FBXO11: variants seen among roughly 807,000 people sequenced by gnomAD.
FBXO11 encodes F-box protein 11, also known as F-box only protein 11.
Under a neutral mutation model 117.0 loss-of-function variants are expected in FBXO11, and 13 were observed. The ratio of observed to expected loss-of-function variants is 0.11; its 90% CI spans 0.07 to 0.18. FBXO11 has a LOEUF of 0.18. Among genes scored for constraint, FBXO11 ranks in the 10% least tolerant of loss-of-function variants. The pLI is 1.00. For missense variants in FBXO11, 767 were observed against 1,164.4 expected (o/e 0.66, Z 4.97); for synonymous variants, 490 against 380.5 (o/e 1.29, Z -3.35).
intron 1 of FBXO11, among the ~76,000 whole-genome samples, chr2:47,859,158 C>T (rs191880833): frequency 6.6e-6 from 1 of 151,952 alleles, no homozygotes; most frequent in Non-Finnish European, 1.5e-5. Flanking sequence ...AACTAATGAG[C>T]AATACAGGTA....
intron 11 of FBXO11, among the ~76,000 whole-genome samples, 162 bp downstream of exon 11, chr2:47,832,187 G>A (rs1672245301): frequency 6.6e-6 from 1 of 152,066 alleles, no homozygotes; most frequent in Non-Finnish European, 1.5e-5. Context: ...TAAATTTACA[G>A]AATAAATATT....
intron 1 of FBXO11, among the ~76,000 whole-genome samples, chr2:47,849,204 A>G (rs1673654912): frequency 6.6e-6 from 1 of 152,240 alleles, no homozygotes; most frequent in Non-Finnish European, 1.5e-5. Flanking sequence ...ATACTTATAA[A>G]GTTACATGGT....
chr2:47,827,063 AATTC>A (rs1671809664), intron 11 of FBXO11, among the ~76,000 whole-genome samples: 1 of 152,178 alleles, frequency 6.6e-6, no homozygotes, highest in Admixed American at 6.5e-5. Flanking sequence ...TATGTCACCT[AATTC>A]CATCAAATAT....
At chr2:47,828,377 C>T (rs555419561) in intron 11 of FBXO11, among the ~76,000 whole-genome samples, 5 of 152,116 alleles carry the variant, frequency 3.3e-5, no homozygotes, top group South Asian at 2.1e-4. Context: ...GTAGGCCAGG[C>T]GCGGTGGAGC....
intron 1 of FBXO11, among the ~76,000 whole-genome samples, chr2:47,849,865 C>T (rs752068312): frequency 9.2e-5 from 14 of 152,064 alleles, no homozygotes; most frequent in Non-Finnish European, 1.8e-4. Context: ...TAGCAGAGGC[C>T]AAATTATAAA....
intron 1 of FBXO11, among the ~76,000 whole-genome samples, chr2:47,853,393 A>C (rs1441747297): frequency 6.6e-5 from 10 of 152,166 alleles, no homozygotes; most frequent in Non-Finnish European, 1.5e-5. Flanking sequence ...AATAATAATA[A>C]TACTTTTACA....
At position 47,905,538 on chromosome 2, in the gene FBXO11, TGGCGGCGGC is replaced by T. The variant is rs923188952; in HGVS notation, c.174_182del (p.Pro64_Pro66del). The T allele has an allele frequency of 5.7e-6, 7 of 1,234,926 alleles. No individual in the cohort carries two copies. Among genetic ancestry groups the T allele is most frequent in the South Asian group, 3.7e-5 (1 of 27,208 alleles). 76.5% of individuals were successfully genotyped at this position (1,234,926 alleles called of 1,614,324 possible). On this transcript the variant is annotated inframe_deletion, in exon 1 of 23. Coordinates refer to ENST00000403359, the MANE Select transcript of FBXO11 (RefSeq NM_001190274.2). ...CCTGAGGCAGCGGCGGAGGCGGCGG[TGGCGGCGGC>T]GGAGGCTGCTGCTGCTGCTGCTGCT...
chr2:47,900,700 A>G (rs1157634799), intron 1 of FBXO11, among the ~76,000 whole-genome samples: 1 of 106,034 alleles, frequency 9.4e-6, no homozygotes, highest in African/African-American at 3.4e-5. Context: ...ACGTATACAC[A>G]CACGTGTATA....
intron 1 of FBXO11, among the ~76,000 whole-genome samples, chr2:47,860,627 G>A (rs988678204): frequency 1.3e-5 from 2 of 151,034 alleles, no homozygotes; most frequent in Non-Finnish European, 3.0e-5. Context: ...GGCTGGTCTC[G>A]AACTCCTGAA....
At chr2:47,870,900 T>A (rs1187012260) in intron 1 of FBXO11, among the ~76,000 whole-genome samples, 1 of 152,164 alleles carries the variant, frequency 6.6e-6, no homozygotes, top group Non-Finnish European at 1.5e-5. Flanking sequence ...ACAAATACTC[T>A]GAGATGTCTA....
chr2:47,854,880 A>C (rs958583107), intron 1 of FBXO11, among the ~76,000 whole-genome samples: 6 of 151,176 alleles, frequency 4.0e-5, no homozygotes, highest in Middle Eastern at 3.4e-3. Context: ...TTTTTAGTGG[A>C]AAAATTTCAA....
chr2:47,831,427 G>GAAAAAAAAA (rs920107554), intron 11 of FBXO11, among the ~76,000 whole-genome samples: 5 of 65,720 alleles, frequency 7.6e-5, no homozygotes, highest in Admixed American at 4.0e-4. Context: ...GTCTCAAAAA[G>GAAAAAAAAA]AAAAAAAAAA....
intron 1 of FBXO11, among the ~76,000 whole-genome samples, chr2:47,874,157 T>C (rs1675826788): frequency 6.6e-6 from 1 of 152,166 alleles, no homozygotes; most frequent in South Asian, 2.1e-4. Flanking sequence ...GAGCTTGCTG[T>C]GAGCAGAGAT....
chr2:47,832,210 T>TA lies in FBXO11; in HGVS notation c.1398+138dup, dbSNP rs919150821. ...CAGAATAAATATTTCATATTAATTT[T>TA]AAAAAATAATGCTGAAATTGCTTTT... is the stretch of plus-strand genomic sequence containing the variant. On this transcript the variant is annotated intron_variant, in intron 11 of 22. Coordinates refer to ENST00000403359, the MANE Select transcript of FBXO11 (RefSeq NM_001190274.2). The TA allele has an allele frequency of 1.7e-5, 11 of 640,356 alleles. No individual in the cohort carries two copies. In the African/African-American group the frequency reaches 2.0e-4, roughly 12 times the overall value. The allele number at this position is 640,356 out of a possible 1,614,324, so 39.7% of individuals were successfully genotyped here. A position where few individuals can be genotyped will look rare whatever the true frequency, so the allele number is the denominator to read the frequency against.
chr2:47,883,725 C>T (rs1299226168), intron 1 of FBXO11: 4 of 258,950 alleles, frequency 1.5e-5, no homozygotes, highest in South Asian at 4.8e-5. Flanking sequence ...AGAATAAGCA[C>T]GAGAGAAAGA....
chr2:47,828,601 T>G (rs1278777806), intron 11 of FBXO11, among the ~76,000 whole-genome samples: 2 of 148,534 alleles, frequency 1.3e-5, no homozygotes, highest in East Asian at 4.0e-4. Flanking sequence ...AGAGTGAGAC[T>G]CTTGTCTCAA....
At chr2:47,839,071 T>A (rs1672818329) in intron 3 of FBXO11, 68 bp from the exon 4 acceptor site, 1 of 1,501,124 alleles carries the variant, frequency 6.7e-7, no homozygotes, top group Non-Finnish European at 9.0e-7. Flanking sequence ...AGAACACAGT[T>A]TTCATTTTAT....
chr2:47,903,306 G>A (rs1029903559), intron 1 of FBXO11, among the ~76,000 whole-genome samples: 3 of 152,056 alleles, frequency 2.0e-5, no homozygotes, highest in Non-Finnish European at 2.9e-5. Context: ...TCTCTGCTCT[G>A]TGCCAACACA....
At chr2:47,813,903 G>A (rs1670811718) in intron 16 of FBXO11, 36 bp from the exon 17 acceptor site, 3 of 1,439,680 alleles carry the variant, frequency 2.1e-6, no homozygotes, top group Non-Finnish European at 2.9e-6. Flanking sequence ...CATTTCAATA[G>A]CTTCTACTCC....
Sources: gnomAD v4.1 joint callset for allele counts (sites outside exome capture counted in the v4.1 genomes callset) on GRCh38, gnomAD v4.1.1 for gene constraint, MANE v1.5 for transcripts, NCBI Gene and HGNC (gene_info 2026-07-23, HGNC 2026-07-21) for gene names.